The following HK3 variants were observed in gnomAD, a reference collection of about 807,000 sequenced individuals.
The protein encoded by HK3 is hexokinase-3.
Under a neutral mutation model 91.0 loss-of-function variants are expected in HK3, and 93 were observed. That is an observed-to-expected ratio of 1.02 (90% CI 0.86 to 1.21). The LOEUF (loss-of-function observed/expected upper bound fraction) is 1.21, where lower values mean the gene tolerates loss of function less well. Ranked by LOEUF, HK3 falls within the 50% of genes most tolerant of loss-of-function variation. The pLI is 0.00. For synonymous variants in HK3, 519 were observed against 516.9 expected, an observed-to-expected ratio of 1.00 and a Z score of -0.06; for missense variants, 1,235 against 1,247.4, an observed-to-expected ratio of 0.99 and a Z score of 0.15.
intron 6 of HK3, among the ~76,000 whole-genome samples, chr5:176,889,996 T>A (rs1758722852): frequency 6.6e-6 from 1 of 151,676 alleles, no homozygotes; most frequent in Admixed American, 6.6e-5. Context: ...ACGTCCACCC[T>A]CACCATCTCC....
At position 176,891,429 on chromosome 5, in the gene HK3, C is replaced by A. The variant is rs61739890; in HGVS notation, c.218G>T (p.Arg73Leu). ...RGQASPAPAVRMLPTYVGSTP... is the reference protein window; with the variant it reads ...RGQASPAPAVLMLPTYVGSTP... The stretch of plus-strand genomic sequence containing the variant: ...GGACCCCACGTATGTAGGCAGCATC[C>A]GGACCGCAGGGGCAGGGCTGGCCTG... The change falls in exon 3 of 19, where the codon CGG becomes CTG. Residue 73 changes from arginine (R) to leucine (L), a missense_variant. Coordinates refer to ENST00000292432, the MANE Select transcript of HK3 (RefSeq NM_002115.3). 1.9e-6 allele frequency: 3 copies of A among 1,613,888 alleles called. No homozygotes were observed. In the East Asian group the frequency reaches 6.7e-5, roughly 36 times the overall value.
In HK3 at chr5:176,888,774, G is replaced by A. The variant is rs1441635575; in HGVS notation, c.1005C>T (p.Gly335=). The A allele has an allele frequency of 4.3e-6, 7 of 1,614,190 alleles. No individual in the cohort carries two copies. In the South Asian group the frequency reaches 5.5e-5, roughly 13 times the overall value. Residue 335 remains glycine (G), a synonymous_variant, in exon 9 of 19, where the codon GGC becomes GGT. Coordinates refer to ENST00000292432, the MANE Select transcript of HK3 (RefSeq NM_002115.3). The stretch of plus-strand genomic sequence containing the variant: ...GGCTCAGCAGGGCAGGGGAGGTGCA[G>A]CCACCAAAGAGGACCCCACACCGGG... ...HLARCGVLFG[G]CTSPALLSQG... is the part of the protein sequence containing the mutation.
At position 176,882,094 on chromosome 5, in the gene HK3, A is replaced by G; in HGVS notation, c.2087T>C (p.Leu696Pro). 1 of 1,613,028 alleles carries G rather than the reference A, an allele frequency of 6.2e-7. No homozygotes were observed. The highest frequency in any genetic ancestry group is 1.1e-5 in the South Asian group (1 of 91,070). ...CCCAGGCACGCCCGCCACATTCCGGAGCTCCTCCATGTAGCAGGCATTGGT... is the reference window on the plus strand; with the variant it reads ...CCCAGGCACGCCCGCCACATTCCGGGGCTCCTCCATGTAGCAGGCATTGGT... ...TGTNACYMEELRNVAGVPGDS... is the reference protein window; with the variant it reads ...TGTNACYMEEPRNVAGVPGDS... The change falls in exon 16 of 19, where the codon CTC becomes CCC. Residue 696 changes from leucine to proline, a missense_variant. Leu to Pro is a moderately conservative substitution (Grantham distance 98). Around this residue, in one of 3 missense-constraint regions of HK3, gnomAD observed 513 missense variants for 477.4 expected, o/e 1.07. Transcript: ENST00000292432.
In HK3 at chr5:176,889,540, A is replaced by G; in HGVS notation, c.755T>C (p.Met252Thr). ...VVDTGTNACY[M>T]EEARHVAVLD... ...CACTGCCACATGCCGTGCCTCCTCC[A>G]TGTAACACGCGTTGGTGCCCGTGTC... The change falls in exon 8 of 19, where the codon ATG becomes ACG. Residue 252 changes from methionine (M) to threonine (T), a missense_variant. This residue lies in a region of HK3 where 717 missense variants were observed against 751.6 expected (regional missense o/e 0.95). Coordinates refer to ENST00000292432, the MANE Select transcript of HK3 (RefSeq NM_002115.3). The G allele has an allele frequency of 6.2e-7, 1 of 1,614,178 alleles. No homozygotes were observed.
In HK3 at chr5:176,881,430, G is replaced by A; in HGVS notation, c.2499C>T (p.Ser833=). The A allele has an allele frequency of 6.2e-7, 1 of 1,612,016 alleles. No homozygotes were observed. The highest frequency in any genetic ancestry group is 8.5e-7 in the Non-Finnish European group (1 of 1,180,026). The change falls in exon 18 of 19, where the codon TCC becomes TCT. Residue 833 remains serine, a synonymous_variant. Transcript: ENST00000292432. ...CCCCACAGAGCTGGGCAGCCCTCTG[G>A]GACACAGCCTGGCACACCTCTAGCA... The part of the protein sequence containing the change: ...LMVLEVCQAV[S]QRAAQLCGAG...
At chr5:176,891,950 A>G (rs968488404) in intron 2 of HK3, among the ~76,000 whole-genome samples, 1 of 152,214 alleles carries the variant, frequency 6.6e-6, no homozygotes, top group African/African-American at 2.4e-5. Context: ...AAATGCACGA[A>G]CAAACTTCAA....
chr5:176,883,989 C>T (rs754956710), intron 14 of HK3, 50 bp downstream of exon 14: 4 of 1,594,296 alleles, frequency 2.5e-6, no homozygotes, highest in Non-Finnish European at 3.4e-6. Flanking sequence ...ACTCTTTGCT[C>T]CCCTCAAGGC....
rs1460919890 is a variant in HK3 at position 176,887,491 on chromosome 5, G to A, written c.1560C>T (p.Arg520=). The A allele has an allele frequency of 6.2e-7, 1 of 1,613,468 alleles. No homozygotes were observed. Among genetic ancestry groups the A allele is most frequent in the African/African-American group, 1.3e-5 (1 of 74,928 alleles). ...TGGCCCGGACGAAAGTGGGCAGCATGCGAAGGGAGGAGGCCTCCCCTCGGA... is the reference window on the plus strand; with the variant it reads ...TGGCCCGGACGAAAGTGGGCAGCATACGAAGGGAGGAGGCCTCCCCTCGGA... ...KGLRGEASSL[R]MLPTFVRATP... is the part of the protein sequence containing the mutation. The change falls in exon 11 of 19, where the codon CGC becomes CGT. Residue 520 remains arginine (R), a synonymous_variant. Transcript: ENST00000292432. The surrounding 1 kb of genome is among the most constrained non-coding windows in gnomAD (Gnocchi z 4.9).
At chr5:176,883,986 G>T in intron 14 of HK3, 53 bp downstream of exon 14, 1 of 1,590,240 alleles carries the variant, frequency 6.3e-7, no homozygotes, top group Non-Finnish European at 8.6e-7. Flanking sequence ...GAGACTCTTT[G>T]CTCCCCTCAA....
intron 8 of HK3, 32 bp downstream of exon 8, chr5:176,889,349 G>A: frequency 1.2e-6 from 2 of 1,604,912 alleles, no homozygotes; most frequent in African/African-American, 2.7e-5. Flanking sequence ...ACAGGGCCTG[G>A]AACCAAAGGT....
chr5:176,883,902 C>T (rs1326902442), intron 14 of HK3, 33 bp from the exon 15 acceptor site: 5 of 1,607,154 alleles, frequency 3.1e-6, no homozygotes, highest in Non-Finnish European at 3.4e-6. Flanking sequence ...AGTTGCTGGG[C>T]AACGCGGTCG....
At chr5:176,882,732 G>GA (rs1182092123) in intron 15 of HK3, among the ~76,000 whole-genome samples, 2 of 152,186 alleles carry the variant, frequency 1.3e-5, no homozygotes, top group East Asian at 1.9e-4. Flanking sequence ...AAGAAGCACA[G>GA]AAAGAAAAAG....
chr5:176,883,967 A>C, intron 14 of HK3, 72 bp downstream of exon 14: 1 of 1,582,532 alleles, frequency 6.3e-7, no homozygotes, highest in Non-Finnish European at 8.7e-7. Flanking sequence ...CTCCCCCCTC[A>C]GAAAGTAGGA....
intron 2 of HK3, among the ~76,000 whole-genome samples, chr5:176,892,657 C>CCA (rs1351349156): frequency 6.6e-6 from 1 of 152,168 alleles, no homozygotes; most frequent in Non-Finnish European, 1.5e-5. Context: ...TCCAAAGCCC[C>CCA]CACTTCCTGT....
At position 176,890,638 on chromosome 5, in the gene HK3, C is replaced by T; in HGVS notation, c.627G>A (p.Gln209=). Residue 209 remains glutamine (Q), a synonymous_variant, in exon 6 of 19, where the codon CAG becomes CAA. Coordinates refer to ENST00000292432, the MANE Select transcript of HK3 (RefSeq NM_002115.3). ...VQLLRDAIRR[Q]GAYNIDVVAV... is the part of the protein sequence containing the mutation. The stretch of plus-strand genomic sequence containing the variant: ...TGTCACCCCTCCCTCCACTCACCCC[C>T]TGCCTCCGAATGGCATCTCTCAGCA... 1 of 1,614,014 alleles carries T rather than the reference C, an allele frequency of 6.2e-7. No individual in the cohort carries two copies. Among genetic ancestry groups the T allele is most frequent in the Non-Finnish European group, 8.5e-7 (1 of 1,179,866 alleles).
At chr5:176,888,230 G>A (rs1328204316) in intron 10 of HK3, 102 bp downstream of exon 10, 32 of 966,950 alleles carry the variant, frequency 3.3e-5, no homozygotes, top group Non-Finnish European at 1.1e-5. Flanking sequence ...AGTGCCCTTC[G>A]TGTCCACTGG....
Position 176,890,690 on chromosome 5 carries a change from C to A in HK3, c.575G>T (p.Gly192Val). ...CTGGACCACATCCTGGCCTTCCACA[C>A]CACTGCACCTAAAACCTTTGGTCCA... Reference protein sequence around the residue: ...ISWTKGFRCSGVEGQDVVQLL... With the variant: ...ISWTKGFRCSVVEGQDVVQLL... Residue 192 changes from glycine to valine, a missense_variant, in exon 6 of 19, where the codon GGT (glycine) becomes GTT (valine). Coordinates refer to ENST00000292432, the MANE Select transcript of HK3 (RefSeq NM_002115.3). 1 of 1,614,214 alleles carries A rather than the reference C, an allele frequency of 6.2e-7. No individual in the cohort carries two copies. The highest frequency in any genetic ancestry group is 8.5e-7 in the Non-Finnish European group (1 of 1,180,030).
Position 176,888,564 on chromosome 5 carries a change from G to T in HK3, c.1072C>A (p.Pro358Thr), listed in dbSNP as rs1457352083. 3.2e-6 allele frequency: 5 copies of T among 1,570,250 alleles called. No individual in the cohort carries two copies. The highest frequency in any genetic ancestry group is 3.5e-6 in the Non-Finnish European group (4 of 1,156,352). Residue 358 changes from proline to threonine, a missense_variant and splice_region_variant, in exon 10 of 19, where the codon CCC becomes ACC. By Grantham distance (38) the Pro-to-Thr change is conservative. Around this residue, in one of 3 missense-constraint regions of HK3, gnomAD observed 717 missense variants for 751.6 expected, o/e 0.95. Coordinates refer to ENST00000292432, the MANE Select transcript of HK3 (RefSeq NM_002115.3). Reference sequence around the variant, plus strand: ...TGGACACGGGCTGCCCCAGTAGAGGGGCTGGAGGGGAAAGGGAAGTGGTTT... The same window carrying T: ...TGGACACGGGCTGCCCCAGTAGAGGTGCTGGAGGGGAAAGGGAAGTGGTTT... Reference protein sequence around the residue: ...LLEHVAEMEDPSTGAARVHAI... With the variant: ...LLEHVAEMEDTSTGAARVHAI...
In HK3 at chr5:176,891,388, C is replaced by T. The variant is rs1758768814; in HGVS notation, c.259G>A (p.Glu87Lys). The T allele has an allele frequency of 6.2e-7, 1 of 1,612,590 alleles. No individual in the cohort carries two copies. The highest frequency in any genetic ancestry group is 8.5e-7 in the Non-Finnish European group (1 of 1,179,290). Residue 87 changes from glutamate (E) to lysine (K), a missense_variant and splice_region_variant, in exon 3 of 19, where the codon GAG becomes AAG. By Grantham distance (56) the Glu-to-Lys change is moderately conservative (BLOSUM62 1). Around this residue, in one of 3 missense-constraint regions of HK3, gnomAD observed 717 missense variants for 751.6 expected, o/e 0.95. Coordinates refer to ENST00000292432, the MANE Select transcript of HK3 (RefSeq NM_002115.3). ...ACGCATCTCAATCTATGATACCCAC[C>T]AGTGCCATGTGGGGTGGACCCCACG... ...TYVGSTPHGT[E>K]QGDFVVLELG...
Sources: allele counts gnomAD v4.1 joint callset (sites outside exome capture counted in the v4.1 genomes callset), GRCh38; gene constraint gnomAD v4.1.1; regional missense constraint gnomAD v4.1.1; non-coding constraint Gnocchi (gnomAD v3.1); transcripts MANE v1.5; gene names NCBI Gene and HGNC (gene_info 2026-07-23, HGNC 2026-07-21).